The following PKNOX2 variants were observed in gnomAD, a reference collection of about 807,000 sequenced individuals.
The protein encoded by PKNOX2 is homeobox protein PKNOX2.
In PKNOX2, 14 loss-of-function variants were observed where a neutral mutation model predicts 53.1. The observed-to-expected ratio is 0.26, with a 90% CI of 0.17 to 0.41. The LOEUF is 0.41. Ranked by LOEUF, PKNOX2 falls within the 10% of genes least tolerant of loss-of-function variation. The probability of loss-of-function intolerance (pLI) is 1.00; values close to 1 mark genes in which losing one functional copy is unlikely to be tolerated. For synonymous variants in PKNOX2, 257 were observed against 242.8 expected (o/e 1.06, Z -0.54); for missense variants, 496 against 602.8 (o/e 0.82, Z 1.85).
At chr11:125,411,974 G>A (rs1207676922) in intron 10 of PKNOX2, 109 bp downstream of exon 10, 76 of 1,524,332 alleles carry the variant, frequency 5.0e-5, no homozygotes, top group Middle Eastern at 2.0e-4. Context: ...CAGAGGGCGC[G>A]GCCTCGGGGA....
At chr11:125,368,114 C>T in intron 5 of PKNOX2, 129 bp downstream of exon 5, 2 of 1,147,952 alleles carry the variant, frequency 1.7e-6, no homozygotes, top group African/African-American at 1.6e-5. Flanking sequence ...TCTCCCTTGG[C>T]CTCCTTCCCT....
intron 1 of PKNOX2, among the ~76,000 whole-genome samples, chr11:125,227,177 C>T (rs1283173715): frequency 2.0e-5 from 3 of 152,136 alleles, no homozygotes; most frequent in African/African-American, 7.2e-5. Flanking sequence ...CTCAATGACA[C>T]CCTGCGCTGG....
At chr11:125,385,528 G>A (rs1458074002) in intron 5 of PKNOX2, 23 bp from the exon 6 acceptor site, 3 of 1,593,514 alleles carry the variant, frequency 1.9e-6, no homozygotes, top group Non-Finnish European at 2.6e-6. Context: ...GTGCGCATGT[G>A]TGAGCTCTTG....
intron 10 of PKNOX2, among the ~76,000 whole-genome samples, chr11:125,423,526 C>T (rs1956271592): frequency 6.6e-6 from 1 of 152,222 alleles, no homozygotes; most frequent in African/African-American, 2.4e-5. Context: ...GTACCAGTTA[C>T]TCCGAAGGCC....
At chr11:125,179,263 G>C (rs1002113858) in intron 1 of PKNOX2, among the ~76,000 whole-genome samples, 1 of 152,208 alleles carries the variant, frequency 6.6e-6, no homozygotes, top group African/African-American at 2.4e-5. Flanking sequence ...TTCACAGTTA[G>C]ATGGCGAACA....
Position 125,403,671 on chromosome 11 carries a change from T to C in PKNOX2, c.588+5609T>C, listed in dbSNP as rs1954891955. Among the ~76,000 whole-genome samples the C allele has an allele frequency of 2.0e-5, 3 of 152,282 alleles. No individual in the cohort carries two copies. The South Asian group carries it at 6.2e-4, about 32-fold the overall frequency. On this transcript the variant is annotated intron_variant, in intron 7 of 12. Transcript: ENST00000298282. Reference sequence around the variant, plus strand: ...ATGTTCTTCTTGCTACATGGGGATATGTTTTTGTGACACATGGGGAGAAGA... The same window carrying C: ...ATGTTCTTCTTGCTACATGGGGATACGTTTTTGTGACACATGGGGAGAAGA...
chr11:125,189,425 G>GTATA (rs1279938561), intron 1 of PKNOX2, among the ~76,000 whole-genome samples: 1 of 43,734 alleles, frequency 2.3e-5, no homozygotes, highest in African/African-American at 8.3e-5. Context: ...GTGTGTGTGT[G>GTATA]TGTGTGTGTG....
chr11:125,330,854 T>A (rs891903751), intron 2 of PKNOX2, among the ~76,000 whole-genome samples: 1 of 152,182 alleles, frequency 6.6e-6, no homozygotes, highest in Non-Finnish European at 1.5e-5. Context: ...TTTACTGAGG[T>A]GCAAATGTGT....
At chr11:125,206,009 G>T (rs2135423417) in intron 1 of PKNOX2, among the ~76,000 whole-genome samples, 1 of 152,154 alleles carries the variant, frequency 6.6e-6, no homozygotes, top group African/African-American at 2.4e-5. Context: ...AGAGATGGCT[G>T]TGCACCGGGG....
intron 5 of PKNOX2, among the ~76,000 whole-genome samples, chr11:125,374,723 A>G (rs1185155305): frequency 6.6e-6 from 1 of 152,108 alleles, no homozygotes; most frequent in Non-Finnish European, 1.5e-5. Context: ...AAGACCAAAG[A>G]TCCAGGAGTC....
At chr11:125,380,438 G>C (rs1196692438) in intron 5 of PKNOX2, among the ~76,000 whole-genome samples, 1 of 152,168 alleles carries the variant, frequency 6.6e-6, no homozygotes. Context: ...GGGGAGAGAA[G>C]AGCGAAGAAG....
At chr11:125,252,490 T>G (rs74587448) in intron 2 of PKNOX2, among the ~76,000 whole-genome samples, 9,843 of 152,222 alleles carry the variant, frequency 0.065, 556 homozygotes, top group Admixed American at 0.18. Context: ...TATGATGACC[T>G]GCCTGAAGCC....
chr11:125,347,799 A>C (rs185003208), intron 3 of PKNOX2, among the ~76,000 whole-genome samples: 1 of 152,068 alleles, frequency 6.6e-6, no homozygotes, highest in Non-Finnish European at 1.5e-5. Context: ...AAAGGTTTTC[A>C]GCACTGAACA....
chr11:125,321,673 C>T (rs538653065), intron 2 of PKNOX2, among the ~76,000 whole-genome samples: 4 of 152,276 alleles, frequency 2.6e-5, no homozygotes, highest in South Asian at 2.1e-4. Flanking sequence ...AACAAATGGG[C>T]GTGGCTGTGT....
intron 2 of PKNOX2, among the ~76,000 whole-genome samples, chr11:125,310,905 G>A (rs370334777): frequency 4.1e-4 from 62 of 151,802 alleles, no homozygotes; most frequent in Non-Finnish European, 7.5e-4. Context: ...TCCTTCTGTC[G>A]TCTGGTAACC....
chr11:125,249,429 G>A (rs1367541227), intron 2 of PKNOX2, among the ~76,000 whole-genome samples: 2 of 152,152 alleles, frequency 1.3e-5, no homozygotes, highest in African/African-American at 2.4e-5. Context: ...AACAGCAGAT[G>A]AAAAATATTT....
At chr11:125,371,191 C>T (rs1403752355) in intron 5 of PKNOX2, among the ~76,000 whole-genome samples, 1 of 152,160 alleles carries the variant, frequency 6.6e-6, no homozygotes, top group Non-Finnish European at 1.5e-5. Context: ...GGCTCCGGCT[C>T]AGATTAATGA....
intron 10 of PKNOX2, among the ~76,000 whole-genome samples, chr11:125,413,751 G>A (rs1955705002): frequency 6.6e-6 from 1 of 152,142 alleles, no homozygotes. Flanking sequence ...CTTAATAAAT[G>A]CTCCCTTTCC....
In PKNOX2 at chr11:125,431,161, C is replaced by A. The variant is rs754300485; in HGVS notation, c.1193-5C>A. 1 of 1,612,710 alleles carries A rather than the reference C, an allele frequency of 6.2e-7. No individual in the cohort carries two copies. Among genetic ancestry groups the A allele is most frequent in the Non-Finnish European group, 8.5e-7 (1 of 1,179,548 alleles). On this transcript the variant is annotated splice_polypyrimidine_tract_variant and splice_region_variant and intron_variant, in intron 12 of 12. Coordinates refer to ENST00000298282, the MANE Select transcript of PKNOX2 (RefSeq NM_001382323.2). Reference sequence around the variant, plus strand: ...CCTCGTCCTGACCCTTGCTTTCTCTCGCAGGTTCCATCAACTTGGACAACC... The same window carrying A: ...CCTCGTCCTGACCCTTGCTTTCTCTAGCAGGTTCCATCAACTTGGACAACC...
Sources: allele counts gnomAD v4.1 joint callset (sites outside exome capture counted in the v4.1 genomes callset), GRCh38; gene constraint gnomAD v4.1.1; transcripts MANE v1.5; gene names NCBI Gene and HGNC (gene_info 2026-07-23, HGNC 2026-07-21).